PWWP2A: variants seen among roughly 807,000 people sequenced by gnomAD.
PWWP2A encodes the protein PWWP domain containing 2A.
A neutral mutation model predicts 48.5 loss-of-function variants in PWWP2A; 18 were observed. That is an observed-to-expected ratio of 0.37 (90% CI 0.26 to 0.55). PWWP2A has a LOEUF of 0.55. Among genes scored for constraint, PWWP2A ranks in the 20% least tolerant of loss-of-function variants. PWWP2A has a pLI of 0.81. For missense variants in PWWP2A, 867 were observed against 976.4 expected (o/e 0.89, Z 1.49); for synonymous variants, 396 against 387.7 (o/e 1.02, Z -0.25).
intron 4 of PWWP2A, chr5:160,065,070 GAT>G: frequency 6.2e-7 from 1 of 1,608,136 alleles, no homozygotes; most frequent in South Asian, 1.1e-5. Context: ...AGATAACAAA[GAT>G]AACAAAAGCT....
intron 4 of PWWP2A, among the ~76,000 whole-genome samples, chr5:160,065,750 A>G (rs1037454563): frequency 3.3e-5 from 5 of 152,238 alleles, no homozygotes; most frequent in Admixed American, 6.5e-5. Flanking sequence ...CTTACAAGCT[A>G]TCTTGGGCCC....
At position 160,118,909 on chromosome 5, in the gene PWWP2A, C is replaced by G; in HGVS notation, c.480G>C (p.Ser160=). 1 of 1,601,926 alleles carries G rather than the reference C, an allele frequency of 6.2e-7. No homozygotes were observed. Among genetic ancestry groups the G allele is most frequent in the African/African-American group, 1.4e-5 (1 of 73,702 alleles). ...TGTGGTCCAGCGTGACCCGCACCTC[C>G]GAGCCCGGGATCAGTTGCGACACCG... ...DSTVSQLIPG[S]EVRVTLDHII... The change falls in exon 1 of 2, where the codon TCG becomes TCC. Residue 160 remains serine, a synonymous_variant. Coordinates refer to ENST00000307063, the MANE Select transcript of PWWP2A (RefSeq NM_001130864.2).
At chr5:160,113,193 C>G in intron 1 of PWWP2A, 1 of 974,650 alleles carries the variant, frequency 1.0e-6, no homozygotes, top group Non-Finnish European at 1.2e-6. Context: ...AAGCACCTAA[C>G]ACTCTGTCCA....
At position 160,119,342 on chromosome 5, in the gene PWWP2A, C is replaced by G. The variant is rs1338041314; in HGVS notation, c.47G>C (p.Gly16Ala). 8 of 1,389,066 alleles carry G rather than the reference C, an allele frequency of 5.8e-6. No individual in the cohort carries two copies. Among genetic ancestry groups the G allele is most frequent in the Non-Finnish European group, 7.4e-6 (8 of 1,077,856 alleles). The allele number at this position is 1,389,066 out of a possible 1,614,324, so 86.0% of individuals were successfully genotyped here. A position where few individuals can be genotyped will look rare whatever the true frequency, so the allele number is the denominator to read the frequency against. Residue 16 changes from glycine to alanine, a missense_variant, in exon 1 of 2, where the codon GGG becomes GCG. Physicochemically the swap from Gly to Ala is moderately conservative, Grantham distance 60. Transcript: ENST00000307063. ...AEAAATAASPGEGGAGEAEPE... is the reference protein window; with the variant it reads ...AEAAATAASPAEGGAGEAEPE... ...CTCGGCCTCGCCGGCGCCCCCCTCCCCGGGGGACGCTGCAGTCGCTGCCGC... is the reference window on the plus strand; with the variant it reads ...CTCGGCCTCGCCGGCGCCCCCCTCCGCGGGGGACGCTGCAGTCGCTGCCGC...
intron 1 of PWWP2A, chr5:160,108,702 A>C (rs1475832016): frequency 4.8e-6 from 3 of 622,774 alleles, no homozygotes; most frequent in East Asian, 1.3e-4. Flanking sequence ...AACTTAGTGA[A>C]AACTGAAGTT....
rs116006050 is a variant in PWWP2A at position 160,116,514 on chromosome 5, C to G, written c.584+2291G>C. 9.5e-3 allele frequency among the ~76,000 whole-genome samples: 1,442 copies of G among 152,234 alleles called. 17 individuals are homozygous for G. Among genetic ancestry groups the G allele is most frequent in the African/African-American group, 0.032 (1,349 of 41,544 alleles). On this transcript the variant is annotated intron_variant, in intron 1 of 1. Coordinates refer to ENST00000307063, the MANE Select transcript of PWWP2A (RefSeq NM_001130864.2). ...TAGGATCCTTTCACTTCAGAATATT[C>G]AAATGGAAAAGGTTCATATTAGGAA...
At chr5:160,113,222 A>G in intron 1 of PWWP2A, 1 of 982,612 alleles carries the variant, frequency 1.0e-6, no homozygotes, top group Non-Finnish European at 1.2e-6. Context: ...TTTACTATTT[A>G]GTACCACTTT....
chr5:160,045,314 A>G, the PWWP2A span, among the ~76,000 whole-genome samples: 1 of 152,128 alleles, frequency 6.6e-6, no homozygotes, highest in Non-Finnish European at 1.5e-5. Flanking sequence ...TGTTTTCCGC[A>G]TTTGTTTTTG....
intron 1 of PWWP2A, among the ~76,000 whole-genome samples, chr5:160,102,921 T>C (rs916706250): frequency 5.3e-5 from 8 of 152,130 alleles, no homozygotes; most frequent in African/African-American, 1.7e-4. Context: ...AAAAAACACA[T>C]TGAAGGAAAT....
At chr5:160,105,434 A>AGG (rs1251283878) in intron 1 of PWWP2A, among the ~76,000 whole-genome samples, 1 of 151,576 alleles carries the variant, frequency 6.6e-6, no homozygotes, top group African/African-American at 2.4e-5. Context: ...GCTACTCGGG[A>AGG]GGCTGAGGCA....
intron 2 of PWWP2A, among the ~76,000 whole-genome samples, chr5:160,068,805 G>A (rs1283891207): frequency 6.6e-6 from 1 of 152,152 alleles, no homozygotes; most frequent in Non-Finnish European, 1.5e-5. Context: ...ACAAGACGTG[G>A]TTTTAGTGTG....
At chr5:160,047,949 A>G in the PWWP2A span, among the ~76,000 whole-genome samples, 1 of 152,118 alleles carries the variant, frequency 6.6e-6, no homozygotes, top group Admixed American at 6.5e-5. Flanking sequence ...GCCTACTAGA[A>G]TAGCATAAGG....
chr5:160,096,116 G>T (rs139114541), intron 1 of PWWP2A, among the ~76,000 whole-genome samples: 5 of 152,104 alleles, frequency 3.3e-5, no homozygotes, highest in Non-Finnish European at 5.9e-5. Flanking sequence ...CATACACCAG[G>T]TATTATTCTA....
chr5:160,104,525 A>G (rs979425901), intron 1 of PWWP2A, among the ~76,000 whole-genome samples: 3 of 152,064 alleles, frequency 2.0e-5, no homozygotes, highest in African/African-American at 7.2e-5. Flanking sequence ...AAACGTGGCC[A>G]GGCACAGTGG....
chr5:160,106,629 C>T (rs1756923328), intron 1 of PWWP2A, among the ~76,000 whole-genome samples: 2 of 151,826 alleles, frequency 1.3e-5, no homozygotes, highest in African/African-American at 4.8e-5. Flanking sequence ...AGTAAGTCAA[C>T]TACATAAAAT....
At chr5:160,059,204 C>T (rs1757630491), downstream of PWWP2A, among the ~76,000 whole-genome samples, 1 of 152,106 alleles carries the variant, frequency 6.6e-6, no homozygotes, top group African/African-American at 2.4e-5. Context: ...TTTTCATCTA[C>T]ACTAAAAACA....
downstream of PWWP2A, among the ~76,000 whole-genome samples, chr5:160,087,242 C>G (rs1754709264): frequency 6.6e-6 from 1 of 151,998 alleles, no homozygotes; most frequent in African/African-American, 2.4e-5. Flanking sequence ...ATTAGCCAGG[C>G]ATGGTGACAT....
the PWWP2A span, among the ~76,000 whole-genome samples, chr5:160,053,672 C>T: frequency 6.6e-6 from 1 of 152,134 alleles, no homozygotes; most frequent in South Asian, 2.1e-4. Context: ...TGGTTCCATA[C>T]AAATTTTAGG....
chr5:160,108,908 G>A (rs1370736488), intron 1 of PWWP2A, among the ~76,000 whole-genome samples: 5 of 152,204 alleles, frequency 3.3e-5, no homozygotes, highest in East Asian at 3.9e-4. Context: ...AAACCTCAGG[G>A]TTCATGTGAT....
Sources: allele counts gnomAD v4.1 joint callset (sites outside exome capture counted in the v4.1 genomes callset), GRCh38; gene constraint gnomAD v4.1.1; transcripts MANE v1.5; gene names NCBI Gene and HGNC (gene_info 2026-07-23, HGNC 2026-07-21).